DENND11: variants seen among roughly 807,000 people sequenced by gnomAD.
DENND11 encodes the protein DENN domain containing 11.
Under a neutral mutation model 49.2 loss-of-function variants are expected in DENND11, and 34 were observed. That is an observed-to-expected ratio of 0.69 (90% CI 0.53 to 0.92). DENND11 has a LOEUF of 0.92. Ranked by LOEUF, DENND11 falls within the 40% of genes least tolerant of loss-of-function variation. The pLI, the probability that DENND11 is intolerant of heterozygous loss-of-function variation, is 0.00. For missense variants in DENND11, 475 were observed against 581.6 expected, an observed-to-expected ratio of 0.82 and a Z score of 1.88; for synonymous variants, 238 against 230.3, an observed-to-expected ratio of 1.03 and a Z score of -0.30.
chr7:141,684,545 A>G (rs1046784434), intron 3 of DENND11, among the ~76,000 whole-genome samples: 1 of 152,184 alleles, frequency 6.6e-6, no homozygotes, highest in African/African-American at 2.4e-5. Flanking sequence ...AGGATTTTTA[A>G]AAATCCTCTG....
At chr7:141,678,336 C>CTA (rs1242222026) in intron 3 of DENND11, among the ~76,000 whole-genome samples, 1 of 152,136 alleles carries the variant, frequency 6.6e-6, no homozygotes, top group Non-Finnish European at 1.5e-5. Flanking sequence ...TGGGAAAAGA[C>CTA]TAGAATGGTA....
chr7:141,690,820 A>C (rs74741695), intron 1 of DENND11, among the ~76,000 whole-genome samples: 1,613 of 152,318 alleles, frequency 0.011, 23 homozygotes, highest in African/African-American at 0.035. Context: ...TCCTTTATTG[A>C]AGTACTTCTC....
intron 3 of DENND11, among the ~76,000 whole-genome samples, chr7:141,684,041 C>A (rs139228511): frequency 1.7e-3 from 254 of 152,316 alleles, no homozygotes; most frequent in African/African-American, 5.5e-3. Flanking sequence ...CATCCTCTCA[C>A]CTCAGCCTCC....
rs1798526206 is a variant in DENND11, at chr7:141,701,873, G to A, written c.268+13C>T. The A allele has an allele frequency of 8.4e-7, 1 of 1,187,930 alleles. No individual in the cohort carries two copies. The highest frequency in any genetic ancestry group is 1.0e-6 in the Non-Finnish European group (1 of 960,046). The allele number at this position is 1,187,930 out of a possible 1,614,324, so 73.6% of individuals were successfully genotyped here. ...GACCCTCCCCACGCGCCTGGCCCCG[G>A]CGCGGCCCTCACCCGAGCGGGGGTC... is the stretch of plus-strand genomic sequence containing the variant. On this transcript the variant is annotated intron_variant, in intron 1 of 8. Transcript: ENST00000536163.
intron 3 of DENND11, among the ~76,000 whole-genome samples, chr7:141,678,974 T>C (rs1798108014): frequency 1.3e-5 from 2 of 152,236 alleles, no homozygotes; most frequent in Non-Finnish European, 2.9e-5. Context: ...TTAAAAAGAC[T>C]CTTTAGAGAG....
chr7:141,686,460 C>G, intron 2 of DENND11, 99 bp downstream of exon 2: 1 of 711,816 alleles, frequency 1.4e-6, no homozygotes. Flanking sequence ...CATTTACACA[C>G]AGCACACGAA....
In DENND11 at chr7:141,662,741, T is replaced by G. The variant is rs760843624; in HGVS notation, c.1283A>C (p.Gln428Pro). ...GTCCAGGAGAAAGCTCCGGTCTCCT[T>G]GGGGGTCTAGGCCCATGCCCCGGGC... ...EHARGMGLDP[Q>P]GDRSFLLDLL... Residue 428 changes from glutamine (Q) to proline (P), a missense_variant, in exon 9 of 9, where the codon CAA becomes CCA. Coordinates refer to ENST00000536163, the MANE Select transcript of DENND11 (RefSeq NM_001080392.2). The G allele has an allele frequency of 6.2e-7, 1 of 1,611,932 alleles. No individual in the cohort carries two copies. The highest frequency in any genetic ancestry group is 1.1e-5 in the South Asian group (1 of 90,404).
intron 4 of DENND11, among the ~76,000 whole-genome samples, chr7:141,673,413 T>G (rs1798013229): frequency 6.6e-6 from 1 of 152,192 alleles, no homozygotes; most frequent in African/African-American, 2.4e-5. Context: ...ATTCCTCACT[T>G]TCCACCTAGC....
At chr7:141,698,401 CAG>C (rs1475295216) in intron 1 of DENND11, among the ~76,000 whole-genome samples, 1 of 152,188 alleles carries the variant, frequency 6.6e-6, no homozygotes, top group Non-Finnish European at 1.5e-5. Flanking sequence ...ACCCAGCTTG[CAG>C]AGTTAGCATC....
At chr7:141,686,456 CA>C in intron 2 of DENND11, 102 bp downstream of exon 2, 1 of 694,294 alleles carries the variant, frequency 1.4e-6, no homozygotes, top group Non-Finnish European at 2.6e-6. Flanking sequence ...AAGGCATTTA[CA>C]CACAGCACAC....
In DENND11 at chr7:141,662,078, C is replaced by G. The variant is rs1797805437; in HGVS notation, c.*578G>C. The G allele has an allele frequency of 6.6e-6, 1 of 152,246 alleles. No individual in the cohort carries two copies. The highest frequency in any genetic ancestry group is 6.5e-5 in the Admixed American group (1 of 15,274). 9.4% of individuals were successfully genotyped at this position (152,246 alleles called of 1,614,324 possible). A position where few individuals can be genotyped will look rare whatever the true frequency, so the allele number is the denominator to read the frequency against. ...TTTCATTCTGACCATAAGATAAGCTCATATTTGGTGTCAGAAACATCCTTT... is the reference window on the plus strand; with the variant it reads ...TTTCATTCTGACCATAAGATAAGCTGATATTTGGTGTCAGAAACATCCTTT... On this transcript the variant is annotated 3_prime_UTR_variant, in exon 9 of 9. Coordinates refer to ENST00000536163, the MANE Select transcript of DENND11 (RefSeq NM_001080392.2).
chr7:141,673,966 G>A, intron 4 of DENND11, 101 bp downstream of exon 4: 1 of 1,371,512 alleles, frequency 7.3e-7, no homozygotes, highest in East Asian at 2.5e-5. Context: ...CATTTTGTAT[G>A]ATCCAAAGAC....
chr7:141,681,662 C>T (rs1798148192), intron 3 of DENND11, among the ~76,000 whole-genome samples: 1 of 152,158 alleles, frequency 6.6e-6, no homozygotes, highest in Non-Finnish European at 1.5e-5. Flanking sequence ...TGGAAGCAAA[C>T]AAACGAGAAG....
At chr7:141,664,679 T>G (rs17162386) in intron 7 of DENND11, among the ~76,000 whole-genome samples, 17,955 of 151,994 alleles carry the variant, frequency 0.12, 1,427 homozygotes, top group East Asian at 0.35. Flanking sequence ...TGAGAAGAAA[T>G]AAACCAGCAC....
At chr7:141,665,528 C>T (rs1490729175) in intron 5 of DENND11, among the ~76,000 whole-genome samples, 3 of 152,162 alleles carry the variant, frequency 2.0e-5, no homozygotes, top group African/African-American at 7.2e-5. Context: ...ACGTGCTTCC[C>T]AAACCCAATA....
At chr7:141,670,088 GCGTGAGCCAC>G (rs1186801830) in intron 4 of DENND11, among the ~76,000 whole-genome samples, 1 of 150,918 alleles carries the variant, frequency 6.6e-6, no homozygotes, top group African/African-American at 2.5e-5. Flanking sequence ...GGGATTACAG[GCGTGAGCCAC>G]CGCGCCCGGC....
intron 8 of DENND11, chr7:141,663,368 G>A (rs1310159364): frequency 1.3e-5 from 2 of 152,492 alleles, no homozygotes. Flanking sequence ...TCAGGACAGG[G>A]TTCACTGCCT....
At chr7:141,700,477 GAAA>G (rs201716585) in intron 1 of DENND11, among the ~76,000 whole-genome samples, 2 of 117,596 alleles carry the variant, frequency 1.7e-5, no homozygotes, top group Non-Finnish European at 1.7e-5. Flanking sequence ...GACACTGTCT[GAAA>G]AAAAAAAAAA....
chr7:141,682,874 G>T (rs1798167918), intron 3 of DENND11, among the ~76,000 whole-genome samples: 1 of 151,454 alleles, frequency 6.6e-6, no homozygotes, highest in Non-Finnish European at 1.5e-5. Flanking sequence ...CTTTTTAAAA[G>T]GAATAATATT....
Sources: gnomAD v4.1 joint callset for allele counts (sites outside exome capture counted in the v4.1 genomes callset) on GRCh38, gnomAD v4.1.1 for gene constraint, MANE v1.5 for transcripts, NCBI Gene and HGNC (gene_info 2026-07-23, HGNC 2026-07-21) for gene names.